Variants in PNPLA1 observed in about 807,000 individuals in gnomAD.
PNPLA1 encodes patatin like domain 1, omega-hydroxyceramide transacylase.
Under a neutral mutation model 51.7 loss-of-function variants are expected in PNPLA1, and 36 were observed. That is an observed-to-expected ratio of 0.70 (90% CI 0.53 to 0.92). The LOEUF is 0.92. PNPLA1 is among the 40% of genes least tolerant of loss of function. The pLI is 0.00. For missense variants in PNPLA1, 658 were observed against 682.5 expected (o/e 0.96, Z 0.40); for synonymous variants, 293 against 280.1 (o/e 1.05, Z -0.46).
At chr6:36,300,288 G>A (rs1770999317) in intron 5 of PNPLA1, among the ~76,000 whole-genome samples, 1 of 151,800 alleles carries the variant, frequency 6.6e-6, no homozygotes, top group East Asian at 1.9e-4. Flanking sequence ...TCCACCTCCC[G>A]GGTTCATGCC....
chr6:36,246,395 C>T (rs1051671667), intron 1 of PNPLA1, among the ~76,000 whole-genome samples: 34 of 152,054 alleles, frequency 2.2e-4, no homozygotes, highest in Non-Finnish European at 4.0e-4. Flanking sequence ...TTACATGTTG[C>T]CTGGCCATGT....
Position 36,307,696 on chromosome 6 carries a change from C to A in PNPLA1, c.1579C>A (p.Pro527Thr). 4 of 1,613,922 alleles carry A rather than the reference C, an allele frequency of 2.5e-6. No homozygotes were observed. The highest frequency in any genetic ancestry group is 3.4e-6 in the Non-Finnish European group (4 of 1,179,936). ...CCCAAGACATTCGGGATCCAAAAAA[C>A]CAAGCAGCAAAGTGCAGTGAGCATG... The part of the protein sequence containing the change: ...GFPRHSGSKK[P>T]SSKVQSAPCP... Residue 527 changes from proline (P) to threonine (T), a missense_variant, in exon 8 of 9, where the codon CCA becomes ACA. Transcript: ENST00000636260.
At position 36,313,747 on chromosome 6, in the gene PNPLA1, A is replaced by G. The variant is rs561366703; in HGVS notation, c.*1861A>G. Among the ~76,000 whole-genome samples the G allele has an allele frequency of 6.6e-6, 1 of 152,194 alleles. No homozygotes were observed. Among genetic ancestry groups the G allele is most frequent in the Admixed American group, 6.5e-5 (1 of 15,282 alleles). On this transcript the variant is annotated 3_prime_UTR_variant, in exon 9 of 9. Coordinates refer to ENST00000636260, the MANE Select transcript of PNPLA1 (RefSeq NM_001374623.1). ...GGCCTTTCTTCCAGGAGTGGCCTCC[A>G]TGTTTGCAGAAGCCTGAGGCCTGGG...
In PNPLA1 at chr6:36,260,364, A is replaced by T. The variant is rs1025007269; in HGVS notation, c.-81+17103A>T. On this transcript the variant is annotated intron_variant, in intron 1 of 7. Coordinates refer to the PNPLA1 transcript ENST00000312917. The stretch of plus-strand genomic sequence containing the variant: ...ACATCTTAATATCAGAAACCTTACA[A>T]CTTGGGGGGAAAATATATGCCTTAG... 3.9e-5 allele frequency among the ~76,000 whole-genome samples: 6 copies of T among 152,302 alleles called. No individual in the cohort carries two copies. In the South Asian group the frequency reaches 1.0e-3, roughly 26 times the overall value.
intron 1 of PNPLA1, among the ~76,000 whole-genome samples, chr6:36,274,270 G>A (rs1248002715): frequency 6.6e-6 from 1 of 152,154 alleles, no homozygotes; most frequent in East Asian, 1.9e-4. Flanking sequence ...TTCGAACTCA[G>A]TCTGGCCAAA....
intron 1 of PNPLA1, 132 bp downstream of exon 1, chr6:36,270,796 C>T: frequency 9.1e-7 from 1 of 1,096,096 alleles, no homozygotes; most frequent in Non-Finnish European, 1.3e-6. Context: ...AAGGGAAGAG[C>T]TGGTTGGAGT....
At chr6:36,275,360 C>G (rs1248084388) in intron 1 of PNPLA1, among the ~76,000 whole-genome samples, 1 of 152,176 alleles carries the variant, frequency 6.6e-6, no homozygotes, top group Non-Finnish European at 1.5e-5. Context: ...GAGTTACAGG[C>G]CTAAACCAGT....
At position 36,294,479 on chromosome 6, in the gene PNPLA1, T is replaced by C; in HGVS notation, c.714+80T>C. ...GGGTTAGAGAGCCACTGGGGCCCAC[T>C]CAAGTTCCATCTGAGTCTCCTCCCC... On this transcript the variant is annotated intron_variant, in intron 4 of 8. Transcript: ENST00000636260. The surrounding 1 kb of genome is among the most constrained non-coding windows in gnomAD (Gnocchi z 4.2). The C allele has an allele frequency of 7.6e-7, 1 of 1,324,248 alleles. No individual in the cohort carries two copies. The highest frequency in any genetic ancestry group is 1.1e-6 in the Non-Finnish European group (1 of 937,816). The allele number at this position is 1,324,248 out of a possible 1,614,324, so 82.0% of individuals were successfully genotyped here.
intron 6 of PNPLA1, among the ~76,000 whole-genome samples, chr6:36,304,186 A>G (rs1271191026): frequency 6.6e-6 from 1 of 152,172 alleles, no homozygotes; most frequent in Non-Finnish European, 1.5e-5. Context: ...CTGAAGCCAG[A>G]TTGTAGGGTG....
In PNPLA1 at chr6:36,270,662, T is replaced by A; in HGVS notation, c.203T>A (p.Met68Lys). ...IAALAICGIEMDEYLRVLNVG... is the reference protein window; with the variant it reads ...IAALAICGIEKDEYLRVLNVG... ...GCCCTGGCCATCTGCGGGATTGAAA[T>A]GGGTGAGGCCTGTGTTCTGGGTCCC... Residue 68 changes from methionine (M) to lysine (K), a missense_variant and splice_region_variant, in exon 1 of 9, where the codon ATG becomes AAG. Physicochemically the swap from Met to Lys is moderately conservative, Grantham distance 95 (BLOSUM62 -1). Transcript: ENST00000636260. The A allele has an allele frequency of 6.5e-7, 1 of 1,550,294 alleles. No individual in the cohort carries two copies. The highest frequency in any genetic ancestry group is 8.7e-7 in the Non-Finnish European group (1 of 1,146,922).
At chr6:36,295,476 T>C (rs1770832072) in intron 5 of PNPLA1, 52 bp downstream of exon 5, 7 of 1,571,528 alleles carry the variant, frequency 4.5e-6, no homozygotes, top group Non-Finnish European at 6.1e-6. Flanking sequence ...GTAGGGAAAG[T>C]TCAAACAGTA....
At chr6:36,299,570 G>A (rs1002999878) in intron 5 of PNPLA1, among the ~76,000 whole-genome samples, 5 of 152,060 alleles carry the variant, frequency 3.3e-5, no homozygotes, top group Non-Finnish European at 5.9e-5. Flanking sequence ...TCTTGACCTC[G>A]TGATCCACCC....
chr6:36,306,012 C>T (rs984108816), intron 6 of PNPLA1, among the ~76,000 whole-genome samples: 1 of 152,150 alleles, frequency 6.6e-6, no homozygotes, highest in Non-Finnish European at 1.5e-5. Context: ...GCCTTGGCCT[C>T]CCAAAGCGCC....
chr6:36,287,129 A>T (rs1405490779), intron 1 of PNPLA1, among the ~76,000 whole-genome samples: 1 of 152,130 alleles, frequency 6.6e-6, no homozygotes, highest in African/African-American at 2.4e-5. Flanking sequence ...TTTATTGGGT[A>T]ATTAAGTCAA....
intron 1 of PNPLA1, 26 bp from the exon 2 acceptor site, chr6:36,291,293 AC>A: frequency 1.2e-6 from 2 of 1,600,176 alleles, no homozygotes; most frequent in Non-Finnish European, 8.5e-7. Flanking sequence ...GGCACCGACC[AC>A]CCCCTCTTCT....
At chr6:36,276,745 C>T (rs1334954991) in intron 1 of PNPLA1, among the ~76,000 whole-genome samples, 3 of 137,146 alleles carry the variant, frequency 2.2e-5, no homozygotes, top group African/African-American at 5.6e-5. Flanking sequence ...TTCCTTTCTT[C>T]GTTCGTTCGT....
chr6:36,266,421 A>G (rs770697803), upstream of PNPLA1, among the ~76,000 whole-genome samples: 75 of 152,210 alleles, frequency 4.9e-4, no homozygotes, highest in Admixed American at 2.3e-3. Context: ...CGCACACCAT[A>G]TGCTCCCAGG....
chr6:36,282,225 G>GGAAGGAAGGAAGGAAA (rs879549980), intron 1 of PNPLA1, among the ~76,000 whole-genome samples: 3,070 of 141,504 alleles, frequency 0.022, 88 homozygotes, highest in Middle Eastern at 0.063. Context: ...AAGGAAGGAA[G>GGAAGGAAGGAAGGAAA]GAAGGAAGGA....
intron 1 of PNPLA1, among the ~76,000 whole-genome samples, chr6:36,280,327 C>T (rs192783174): frequency 7.9e-5 from 12 of 152,270 alleles, no homozygotes; most frequent in East Asian, 5.8e-4. Context: ...TGTGTGGCCC[C>T]GGCAGTGGAA....
Sources: allele counts gnomAD v4.1 joint callset (sites outside exome capture counted in the v4.1 genomes callset), GRCh38; gene constraint gnomAD v4.1.1; non-coding constraint Gnocchi (gnomAD v3.1); transcripts MANE v1.5; gene names NCBI Gene and HGNC (gene_info 2026-07-23, HGNC 2026-07-21).